The following SNX8 variants were observed in gnomAD, a reference collection of about 807,000 sequenced individuals.
SNX8 encodes the protein sorting nexin-8.
A neutral mutation model predicts 51.6 loss-of-function variants in SNX8; 25 were observed. That is an observed-to-expected ratio of 0.48 (90% CI 0.35 to 0.68). The LOEUF is 0.68. SNX8 is among the 30% of genes least tolerant of loss of function. The pLI is 0.00. For synonymous variants in SNX8, 324 were observed against 277.0 expected (o/e 1.17, Z -1.68); for missense variants, 695 against 624.0 (o/e 1.11, Z -1.21).
intron 5 of SNX8, among the ~76,000 whole-genome samples, chr7:2,267,642 G>A (rs1179818935): frequency 6.7e-6 from 1 of 148,914 alleles, no homozygotes; most frequent in Non-Finnish European, 1.5e-5. Flanking sequence ...GGAGTGCAGT[G>A]ACGTGATCTC....
chr7:2,305,806 C>A (rs1796531630), intron 1 of SNX8, among the ~76,000 whole-genome samples: 1 of 152,026 alleles, frequency 6.6e-6, no homozygotes, highest in Admixed American at 6.6e-5. Context: ...CCAGACTAGG[C>A]ACGGTGGCTC....
At position 2,257,469 on chromosome 7, in the gene SNX8, G is replaced by T. The variant is rs753647315; in HGVS notation, c.1030C>A (p.Arg344=). Residue 344 remains arginine, a synonymous_variant, in exon 9 of 11, where the codon CGG becomes AGG. Transcript: ENST00000222990. The stretch of plus-strand genomic sequence containing the variant: ...ATCAGGCTGTACTTGTGCAGGGCCC[G>T]CTGGTGCTTGTGCAACACGCCCTTC... The part of the protein sequence containing the change: ...HEKGVLHKHQ[R]ALHKYSLMKR... 6.2e-7 allele frequency: 1 copy of T among 1,607,050 alleles called. No individual in the cohort carries two copies. The highest frequency in any genetic ancestry group is 8.5e-7 in the Non-Finnish European group (1 of 1,178,188).
intron 1 of SNX8, among the ~76,000 whole-genome samples, chr7:2,298,755 G>C (rs141590561): frequency 6.6e-6 from 1 of 150,856 alleles, no homozygotes; most frequent in Non-Finnish European, 1.5e-5. Context: ...GCAGTGGCAC[G>C]ATCTCAGCTC....
At position 2,254,776 on chromosome 7, in the gene SNX8, C is replaced by A; in HGVS notation, c.*280G>T. ...TCTGTGAGATGAGAGATCCCTGCCT[C>A]CCCGCACAGCTCTGGGTGTCAGGAG... is the stretch of plus-strand genomic sequence containing the variant. On this transcript the variant is annotated 3_prime_UTR_variant, in exon 11 of 11. Transcript: ENST00000222990. 2.0e-6 allele frequency: 1 copy of A among 508,416 alleles called. No individual in the cohort carries two copies. The highest frequency in any genetic ancestry group is 3.5e-6 in the Non-Finnish European group (1 of 281,930). The allele number at this position is 508,416 out of a possible 1,614,324, so 31.5% of individuals were successfully genotyped here. A position where few individuals can be genotyped will look rare whatever the true frequency, so the allele number is the denominator to read the frequency against.
chr7:2,330,517 A>C (rs1040237152), intron 1 of SNX8, among the ~76,000 whole-genome samples: 2 of 152,098 alleles, frequency 1.3e-5, no homozygotes, highest in African/African-American at 4.8e-5. Flanking sequence ...AAATTAATTG[A>C]ACCCCAAAAG....
intron 1 of SNX8, among the ~76,000 whole-genome samples, chr7:2,301,324 C>T (rs912990043): frequency 4.6e-5 from 7 of 152,156 alleles, no homozygotes; most frequent in East Asian, 1.9e-4. Flanking sequence ...ACCTATTGGC[C>T]GTGTGCTCAT....
In SNX8 at chr7:2,289,251, G is replaced by A. The variant is rs115133559; in HGVS notation, c.95-10946C>T. 5.4e-3 allele frequency among the ~76,000 whole-genome samples: 817 copies of A among 152,128 alleles called. 16 individuals are homozygous for A. The highest frequency in any genetic ancestry group is 0.018 in the African/African-American group (758 of 41,506). ...GTTCCAGCACCTCCCTGTTCCACAC[G>A]GTGCTGTTACGAACATTCCAGCACG... On this transcript the variant is annotated intron_variant, in intron 1 of 10. Coordinates refer to ENST00000222990, the MANE Select transcript of SNX8 (RefSeq NM_013321.4).
Position 2,274,861 on chromosome 7 carries a change from G to C in SNX8, c.418+251C>G, listed in dbSNP as rs1205645349. 7.9e-6 allele frequency: 4 copies of C among 504,238 alleles called. No individual in the cohort carries two copies. The East Asian group carries it at 1.4e-4, about 17-fold the overall frequency. The allele number at this position is 504,238 out of a possible 1,614,324, so 31.2% of individuals were successfully genotyped here. On this transcript the variant is annotated intron_variant, in intron 3 of 10. Coordinates refer to ENST00000222990, the MANE Select transcript of SNX8 (RefSeq NM_013321.4). ...GTTCTCTTTCACACCTGCACAGCAA[G>C]GGCTTCCCCACCTGTCAGTCATGCA...
At chr7:2,303,267 G>C (rs529821346) in intron 1 of SNX8, among the ~76,000 whole-genome samples, 1 of 146,444 alleles carries the variant, frequency 6.8e-6, no homozygotes, top group Admixed American at 6.7e-5. Context: ...CAGCCGCCCC[G>C]TCCGGGAGGG....
rs1210255521 is a variant in SNX8, at chr7:2,321,869, G to A, written c.-66+32353C>T. ...CTCCCGAGTAGCTGGGATTACAGGCGCCCGCCACCATGTCCAGCTAATTTT... is the reference window on the plus strand; with the variant it reads ...CTCCCGAGTAGCTGGGATTACAGGCACCCGCCACCATGTCCAGCTAATTTT... On this transcript the variant is annotated intron_variant, in intron 1 of 5. Transcript: ENST00000435336. Among the ~76,000 whole-genome samples the A allele has an allele frequency of 4.0e-5, 6 of 151,682 alleles. No homozygotes were observed. The South Asian group carries it at 8.3e-4, about 21-fold the overall frequency.
intron 1 of SNX8, among the ~76,000 whole-genome samples, chr7:2,322,421 G>A (rs368132327): frequency 1.2e-4 from 19 of 152,126 alleles, no homozygotes; most frequent in African/African-American, 4.1e-4. Flanking sequence ...CTGGCTGGGC[G>A]CCGTGGCTCA....
At chr7:2,327,689 G>A (rs1476044411) in intron 1 of SNX8, among the ~76,000 whole-genome samples, 1 of 147,404 alleles carries the variant, frequency 6.8e-6, no homozygotes, top group Non-Finnish European at 1.5e-5. Context: ...TTACAGGCGT[G>A]AGCCATCGCA....
At chr7:2,322,671 G>A (rs1778546407) in intron 1 of SNX8, among the ~76,000 whole-genome samples, 1 of 151,904 alleles carries the variant, frequency 6.6e-6, no homozygotes, top group South Asian at 2.1e-4. Context: ...TCCAGCCTGG[G>A]TGACAGATTG....
intron 1 of SNX8, among the ~76,000 whole-genome samples, chr7:2,279,766 A>G (rs1394669681): frequency 6.9e-6 from 1 of 144,118 alleles, no homozygotes; most frequent in Non-Finnish European, 1.5e-5. Context: ...AAAAAAGAAA[A>G]AAAAAAAAAA....
chr7:2,257,602 A>AC (rs1453177844), intron 8 of SNX8, 88 bp from the exon 9 acceptor site: 1 of 1,577,974 alleles, frequency 6.3e-7, no homozygotes, highest in Non-Finnish European at 8.6e-7. Context: ...CCCCCGCCAG[A>AC]CGGAAGGCCC....
chr7:2,352,009 G>C (rs1014157865), intron 1 of SNX8, among the ~76,000 whole-genome samples: 1 of 143,142 alleles, frequency 7.0e-6, no homozygotes, highest in Non-Finnish European at 1.5e-5. Flanking sequence ...CAGGGTACAA[G>C]TGATTCTCCC....
Position 2,346,628 on chromosome 7 carries a change from C to T in SNX8, c.-66+7594G>A, listed in dbSNP as rs1399616260. Among the ~76,000 whole-genome samples, 6 of 151,218 alleles carry T rather than the reference C, an allele frequency of 4.0e-5. No individual in the cohort carries two copies. In the East Asian group the frequency reaches 1.2e-3, roughly 29 times the overall value. On this transcript the variant is annotated intron_variant, in intron 1 of 5. Coordinates refer to the SNX8 transcript ENST00000435336. The stretch of plus-strand genomic sequence containing the variant: ...GGGCGTGGTGGTGGGCACCTGTAGT[C>T]CCAGCTACTTGGGAGGCTGAGGCAG...
intron 1 of SNX8, among the ~76,000 whole-genome samples, chr7:2,326,488 A>AC (rs772588012): frequency 1.4e-4 from 21 of 151,426 alleles, no homozygotes; most frequent in South Asian, 4.2e-4. Context: ...ACGCGGTGAA[A>AC]CCCCGTCTCT....
At chr7:2,260,314 T>C (rs560193115) in intron 7 of SNX8, among the ~76,000 whole-genome samples, 1 of 152,222 alleles carries the variant, frequency 6.6e-6, no homozygotes, top group South Asian at 2.1e-4. Context: ...GCCAGGCTGG[T>C]CTCAAACTCC....
Sources: gnomAD v4.1 joint callset for allele counts (sites outside exome capture counted in the v4.1 genomes callset) on GRCh38, gnomAD v4.1.1 for gene constraint, MANE v1.5 for transcripts, NCBI Gene and HGNC (gene_info 2026-07-23, HGNC 2026-07-21) for gene names.